CAMTA2: variants seen among roughly 807,000 people sequenced by gnomAD.
CAMTA2 encodes the protein calmodulin-binding transcription activator 2.
A neutral mutation model predicts 135.7 loss-of-function variants in CAMTA2; 56 were observed. The observed-to-expected ratio is 0.41, with a 90% CI of 0.33 to 0.52. CAMTA2 has a LOEUF of 0.52. CAMTA2 is among the 20% of genes least tolerant of loss of function. The pLI is 0.16. For missense variants in CAMTA2, 1,358 were observed against 1,553.4 expected, an observed-to-expected ratio of 0.87 and a Z score of 2.11; for synonymous variants, 591 against 604.6, an observed-to-expected ratio of 0.98 and a Z score of 0.33.
Position 4,977,166 on chromosome 17 carries a change from G to A in CAMTA2, c.1792C>T (p.Gln598Ter), listed in dbSNP as rs1261600791. ...PAHEVGLVSL[Q>*]VAGREGPLSA... ...AGGGGCCCCTCCCGCCCTGCCACCT[G>A]CAAAGACACCAGCCCTACCTCATGG... Residue 598 changes from glutamine (Q) to a stop codon, truncating the protein, a stop_gained, in exon 11 of 23, where the codon CAG (glutamine) becomes TAG (stop). Transcript: ENST00000348066. LOFTEE classifies it high-confidence loss of function. 1 of 1,613,878 alleles carries A rather than the reference G, an allele frequency of 6.2e-7. No homozygotes were observed. The highest frequency in any genetic ancestry group is 8.5e-7 in the Non-Finnish European group (1 of 1,179,980).
chr17:4,969,044 A>AG lies in CAMTA2; in HGVS notation c.3471-64_3471-63insC. 1 of 1,590,918 alleles carries AG rather than the reference A, an allele frequency of 6.3e-7. No homozygotes were observed. The highest frequency in any genetic ancestry group is 8.6e-7 in the Non-Finnish European group (1 of 1,162,792). ...ATCGCATGCCTTCGGCCCCCCCAGG[A>AG]ACCCTAGGCAGGGAATGGCAGTGAG... On this transcript the variant is annotated intron_variant, in intron 21 of 22. Coordinates refer to ENST00000348066, the MANE Select transcript of CAMTA2 (RefSeq NM_015099.4). This position sits in a 1 kb window ranked among gnomAD's most constrained non-coding sequence, Gnocchi z 5.6.
In CAMTA2 at chr17:4,970,084, C is replaced by T. The variant is rs1226837896; in HGVS notation, c.3007G>A (p.Glu1003Lys). Residue 1003 changes from glutamate (E) to lysine (K), a missense_variant and splice_region_variant, in exon 18 of 23, where the codon GAA becomes AAA. Physicochemically the swap from Glu to Lys is moderately conservative, Grantham distance 56. This residue lies in a region of CAMTA2 where 1,077 missense variants were observed against 1,127.5 expected (regional missense o/e 0.96). Transcript: ENST00000348066. ...AGGCGACCTCGCTCAAAGGGCAGTT[C>T]GCTGTAGGCGGTAGGGAAAGAGGGT... ...DHFPSSTPPS[E>K]LPFERGRLAV... 8.1e-6 allele frequency: 13 copies of T among 1,613,286 alleles called. No homozygotes were observed. The highest frequency in any genetic ancestry group is 1.1e-5 in the South Asian group (1 of 91,018).
At chr17:4,973,807 C>T in intron 12 of CAMTA2, 38 bp from the exon 13 acceptor site, 2 of 1,538,806 alleles carry the variant, frequency 1.3e-6, no homozygotes, top group Non-Finnish European at 1.8e-6. Context: ...ACCCAGGTAT[C>T]TACTCCCCTG....
At position 4,970,461 on chromosome 17, in the gene CAMTA2, G is replaced by C; in HGVS notation, c.2884C>G (p.Leu962Val). Residue 962 changes from leucine (L) to valine (V), a missense_variant, in exon 17 of 23, where the codon CTG (leucine) becomes GTG (valine). This residue lies in a region of CAMTA2 where 1,077 missense variants were observed against 1,127.5 expected (regional missense o/e 0.96). Coordinates refer to ENST00000348066, the MANE Select transcript of CAMTA2 (RefSeq NM_015099.4). ...CGCATTGAGGCTCCAGCCTCGGGCA[G>C]CCCCACGAAGTCCTCTCGTTTAATC... The part of the protein sequence containing the change: ...ERIKREDFVG[L>V]PEAGASMRER... 6.2e-7 allele frequency: 1 copy of C among 1,614,190 alleles called. No homozygotes were observed. Among genetic ancestry groups the C allele is most frequent in the Non-Finnish European group, 8.5e-7 (1 of 1,180,034 alleles).
In CAMTA2 at chr17:4,980,446, A is replaced by G. The variant is rs1281214828; in HGVS notation, c.876T>C (p.Ser292=). The change falls in exon 9 of 23, where the codon TCT becomes TCC. Residue 292 remains serine (S), a synonymous_variant. Coordinates refer to ENST00000348066, the MANE Select transcript of CAMTA2 (RefSeq NM_015099.4). The surrounding 1 kb of genome is among the most constrained non-coding windows in gnomAD (Gnocchi z 5.3). ...ELPKAHTSPS[S]SSSSSSSGFA... is the part of the protein sequence containing the mutation. Reference sequence around the variant, plus strand: ...AACCTGATGAGGAGGAAGAAGAGGAAGAAGATGGGGAGGTGTGTGCCTTGG... The same window carrying G: ...AACCTGATGAGGAGGAAGAAGAGGAGGAAGATGGGGAGGTGTGTGCCTTGG... 6.9e-6 allele frequency: 11 copies of G among 1,604,442 alleles called. No individual in the cohort carries two copies. The highest frequency in any genetic ancestry group is 1.4e-5 in the African/African-American group (1 of 72,766).
rs780355393 is a variant in CAMTA2, at chr17:4,970,359, G to C, written c.2986C>G (p.Pro996Ala). ...ASYLENVDHF[P>A]SSTPPSELPF... ...AGTCACCTGGGAGGGGTTGAGCTGG[G>C]GAAATGGTCCACATTCTCCAGGTAG... The change falls in exon 17 of 23, where the codon CCC (proline) becomes GCC (alanine). Residue 996 changes from proline to alanine, a missense_variant. This residue lies in a region of CAMTA2 where 1,077 missense variants were observed against 1,127.5 expected (regional missense o/e 0.96). Coordinates refer to ENST00000348066, the MANE Select transcript of CAMTA2 (RefSeq NM_015099.4). The C allele has an allele frequency of 6.2e-7, 1 of 1,614,082 alleles. No individual in the cohort carries two copies. Among genetic ancestry groups the C allele is most frequent in the Non-Finnish European group, 8.5e-7 (1 of 1,180,022 alleles).
chr17:4,968,409 C>A lies in CAMTA2; in HGVS notation c.*347G>T, dbSNP rs1972041152. 1.4e-5 allele frequency: 6 copies of A among 428,954 alleles called. No homozygotes were observed. The highest frequency in any genetic ancestry group is 2.6e-5 in the Non-Finnish European group (6 of 233,572). 26.6% of individuals were successfully genotyped at this position (428,954 alleles called of 1,614,324 possible). On this transcript the variant is annotated 3_prime_UTR_variant, in exon 23 of 23. Coordinates refer to ENST00000348066, the MANE Select transcript of CAMTA2 (RefSeq NM_015099.4). Reference sequence around the variant, plus strand: ...GAACCGAGGCGGATACATTCAGAGACGCGTCGAACAAATAAATAAGGCAAG... The same window carrying A: ...GAACCGAGGCGGATACATTCAGAGAAGCGTCGAACAAATAAATAAGGCAAG...
intron 13 of CAMTA2, 79 bp downstream of exon 13, chr17:4,973,506 G>A: frequency 2.1e-6 from 3 of 1,423,282 alleles, no homozygotes; most frequent in Non-Finnish European, 2.9e-6. Flanking sequence ...TAGGGCCCCA[G>A]GTCCTCCAAT....
At position 4,973,375 on chromosome 17, in the gene CAMTA2, G is replaced by A. The variant is rs1188054661; in HGVS notation, c.2202-122C>T. The A allele has an allele frequency of 5.5e-6, 5 of 908,108 alleles. No homozygotes were observed. The East Asian group carries it at 1.2e-4, about 22-fold the overall frequency. 56.3% of individuals were successfully genotyped at this position (908,108 alleles called of 1,614,324 possible). A position where few individuals can be genotyped will look rare whatever the true frequency, so the allele number is the denominator to read the frequency against. On this transcript the variant is annotated intron_variant, in intron 13 of 22. Transcript: ENST00000348066. ...AGGGCCGGTGGGAAGAGGCAGTCAA[G>A]GACACTAGCTTAAGGAGGTCAAGAA...
intron 1 of CAMTA2, chr17:4,987,368 C>T: frequency 7.4e-7 from 1 of 1,359,712 alleles, no homozygotes; most frequent in Non-Finnish European, 9.4e-7. Flanking sequence ...GTGCAGGTGC[C>T]GGGTGCGGGG....
At chr17:4,981,079 G>T in intron 8 of CAMTA2, 146 bp downstream of exon 8, 8 of 1,007,822 alleles carry the variant, frequency 7.9e-6, no homozygotes, top group Non-Finnish European at 8.9e-6. Context: ...AGATGGGAAC[G>T]TCTGTTCATC....
Position 4,980,262 on chromosome 17 carries a change from T to G in CAMTA2, c.1060A>C (p.Met354Leu), listed in dbSNP as rs143362209. 1.3e-6 allele frequency: 2 copies of G among 1,593,682 alleles called. No individual in the cohort carries two copies. The highest frequency in any genetic ancestry group is 1.7e-6 in the Non-Finnish European group (2 of 1,168,086). Residue 354 changes from methionine (M) to leucine (L), a missense_variant, in exon 9 of 23, where the codon ATG becomes CTG. Transcript: ENST00000348066. This position sits in a 1 kb window ranked among gnomAD's most constrained non-coding sequence, Gnocchi z 5.3. ...GTGCCTACAACCACTGCCAAACTCA[T>G]GGAAGGCCTAGGATCAGCCTGTGGA... ...LAPQADPRPSMSLAVVVGTEP... is the reference protein window; with the variant it reads ...LAPQADPRPSLSLAVVVGTEP...
intron 16 of CAMTA2, 130 bp downstream of exon 16, chr17:4,972,102 G>T: frequency 1.3e-6 from 1 of 758,392 alleles, no homozygotes; most frequent in South Asian, 1.7e-5. Flanking sequence ...AGGCTACCTT[G>T]CCTGTCCCAA....
At chr17:4,973,407 G>A (rs1250088688) in intron 13 of CAMTA2, among the ~76,000 whole-genome samples, 154 bp from the exon 14 acceptor site, 2 of 152,230 alleles carry the variant, frequency 1.3e-5, no homozygotes, top group Non-Finnish European at 2.9e-5. Context: ...AGAAGTCAAA[G>A]TGTTGTAAGT....
intron 11 of CAMTA2, 141 bp from the exon 12 acceptor site, chr17:4,974,641 C>A: frequency 1.6e-6 from 1 of 611,520 alleles, no homozygotes; most frequent in Non-Finnish European, 3.0e-6. Context: ...GCTCCTTTAC[C>A]CCTTCACCTA....
chr17:4,969,320 C>T lies in CAMTA2; in HGVS notation c.3300G>A (p.Lys1100=), dbSNP rs1370617993. 6.8e-6 allele frequency: 11 copies of T among 1,613,968 alleles called. No individual in the cohort carries two copies. Among genetic ancestry groups the T allele is most frequent in the Non-Finnish European group, 8.5e-7 (1 of 1,179,970 alleles). ...WIALKFALYK[K]MTQAAILIQS... is the part of the protein sequence containing the mutation. ...GGATCAGGATGGCCGCCTGGGTCAT[C>T]TTCTTATAGAGTGCAAACTGCAGGG... The change falls in exon 21 of 23, where the codon AAG becomes AAA. Residue 1100 remains lysine (K), a synonymous_variant. Transcript: ENST00000348066. This position sits in a 1 kb window ranked among gnomAD's most constrained non-coding sequence, Gnocchi z 5.6.
chr17:4,987,072 C>G (rs1390370748), intron 1 of CAMTA2: 3 of 1,398,188 alleles, frequency 2.1e-6, no homozygotes, highest in Non-Finnish European at 2.8e-6. Context: ...TGGGAGGAGG[C>G]CCGTCGGGCT....
In CAMTA2 at chr17:4,968,212, A is replaced by C; in HGVS notation, c.*544T>G. The C allele has an allele frequency of 3.9e-6, 1 of 256,406 alleles. No homozygotes were observed. Among genetic ancestry groups the C allele is most frequent in the Middle Eastern group, 1.4e-3 (1 of 690 alleles). The allele number at this position is 256,406 out of a possible 1,614,324, so 15.9% of individuals were successfully genotyped here. A position where few individuals can be genotyped will look rare whatever the true frequency, so the allele number is the denominator to read the frequency against. ...CTCGGGGGACGGGGCGGACTCCGCA[A>C]CGCGTTCCTATGTACACCACCTCCC... is the stretch of plus-strand genomic sequence containing the variant. On this transcript the variant is annotated 3_prime_UTR_variant, in exon 23 of 23. Transcript: ENST00000348066.
At chr17:4,976,107 G>A (rs1421395742) in intron 11 of CAMTA2, among the ~76,000 whole-genome samples, 1 of 152,102 alleles carries the variant, frequency 6.6e-6, no homozygotes, top group Non-Finnish European at 1.5e-5. Context: ...TCGGGTTCAA[G>A]CAATTCTCCT....
Sources: gnomAD v4.1 joint callset for allele counts (sites outside exome capture counted in the v4.1 genomes callset) on GRCh38, gnomAD v4.1.1 for gene constraint, gnomAD v4.1.1 regional missense constraint, Gnocchi (gnomAD v3.1) non-coding constraint, MANE v1.5 for transcripts, NCBI Gene and HGNC (gene_info 2026-07-23, HGNC 2026-07-21) for gene names.